SRD5A2: variants seen among roughly 807,000 people sequenced by gnomAD.
SRD5A2 encodes the protein steroid 5 alpha-reductase 2, also known as 3-oxo-5-alpha-steroid 4-dehydrogenase 2.
In SRD5A2, 30 loss-of-function variants were observed where a neutral mutation model predicts 27.4. The ratio of observed to expected loss-of-function variants is 1.10; its 90% CI spans 0.82 to 1.49. The LOEUF (loss-of-function observed/expected upper bound fraction) is 1.49, where lower values mean the gene tolerates loss of function less well. SRD5A2 is among the 40% of genes most tolerant of loss of function. The pLI, the probability that SRD5A2 is intolerant of heterozygous loss-of-function variation, is 0.00. For synonymous variants in SRD5A2, 141 were observed against 133.6 expected, an observed-to-expected ratio of 1.06 and a Z score of -0.38; for missense variants, 348 against 323.4, an observed-to-expected ratio of 1.08 and a Z score of -0.58.
upstream of SRD5A2, among the ~76,000 whole-genome samples, chr2:31,583,992 C>T (rs1667132778): frequency 6.6e-6 from 1 of 152,070 alleles, no homozygotes; most frequent in East Asian, 1.9e-4. Context: ...AGGATTAGCT[C>T]GTTTGAATAC....
chr2:31,596,382 C>CA, the SRD5A2 span, among the ~76,000 whole-genome samples: 1 of 114,618 alleles, frequency 8.7e-6, no homozygotes, highest in Non-Finnish European at 1.8e-5. Flanking sequence ...AGCAAGACTC[C>CA]ACCAAAAAAA....
intron 1 of SRD5A2, among the ~76,000 whole-genome samples, chr2:31,543,941 G>A (rs562093363): frequency 6.6e-6 from 1 of 152,090 alleles, no homozygotes; most frequent in South Asian, 2.1e-4. Context: ...CTGTTTACAA[G>A]AGACTCACTT....
chr2:31,622,232 G>A, the SRD5A2 span, among the ~76,000 whole-genome samples: 2 of 151,880 alleles, frequency 1.3e-5, no homozygotes, highest in Non-Finnish European at 2.9e-5. Context: ...TTGGTATTCT[G>A]CTTCTGTGTT....
At chr2:31,564,154 T>C (rs1666683733) in intron 1 of SRD5A2, among the ~76,000 whole-genome samples, 1 of 152,026 alleles carries the variant, frequency 6.6e-6, no homozygotes, top group Non-Finnish European at 1.5e-5. Context: ...GCAATGATAT[T>C]AAAACAGCTG....
chr2:31,659,065 T>A, the SRD5A2 span, among the ~76,000 whole-genome samples: 1 of 151,984 alleles, frequency 6.6e-6, no homozygotes, highest in African/African-American at 2.4e-5. Flanking sequence ...CATATGCAAA[T>A]CAATAAATGT....
the SRD5A2 span, chr2:31,651,437 G>T: frequency 1.3e-5 from 3 of 231,562 alleles, no homozygotes; most frequent in South Asian, 2.5e-4. Context: ...CAGTGGCAAT[G>T]ACATCATCAT....
At chr2:31,585,058 A>G (rs1667152510), upstream of SRD5A2, among the ~76,000 whole-genome samples, 1 of 152,208 alleles carries the variant, frequency 6.6e-6, no homozygotes, top group Non-Finnish European at 1.5e-5. Context: ...GCAAAAAGGA[A>G]AGCCAGACAA....
At chr2:31,589,448 C>T in the SRD5A2 span, among the ~76,000 whole-genome samples, 6 of 152,364 alleles carry the variant, frequency 3.9e-5, no homozygotes, top group East Asian at 7.7e-4. Context: ...GGTCCTCCTT[C>T]TCCCCTCTGC....
upstream of SRD5A2, among the ~76,000 whole-genome samples, chr2:31,584,425 C>T (rs1572377595): frequency 6.6e-6 from 1 of 152,182 alleles, no homozygotes; most frequent in South Asian, 2.1e-4. Context: ...CCTAAAATTA[C>T]TAGGCATGTT....
chr2:31,603,805 A>T, the SRD5A2 span, among the ~76,000 whole-genome samples: 1 of 152,068 alleles, frequency 6.6e-6, no homozygotes, highest in African/African-American at 2.4e-5. Context: ...AGAAAAACAA[A>T]TACCACATGC....
chr2:31,560,041 T>C (rs1021334826), intron 1 of SRD5A2, among the ~76,000 whole-genome samples: 1 of 144,464 alleles, frequency 6.9e-6, no homozygotes, highest in Non-Finnish European at 1.5e-5. Context: ...CCACAATATC[T>C]ATGTACATAC....
intron 1 of SRD5A2, among the ~76,000 whole-genome samples, chr2:31,548,543 C>T (rs1666311746): frequency 6.6e-6 from 1 of 152,128 alleles, no homozygotes. Context: ...CCATCTCCAA[C>T]CAAACCAATT....
chr2:31,589,731 C>T, the SRD5A2 span, among the ~76,000 whole-genome samples: 1 of 152,098 alleles, frequency 6.6e-6, no homozygotes, highest in African/African-American at 2.4e-5. Context: ...TACGAATTTT[C>T]CTGTGCAGAA....
the SRD5A2 span, among the ~76,000 whole-genome samples, chr2:31,633,894 T>C: frequency 6.6e-6 from 1 of 152,136 alleles, no homozygotes; most frequent in Non-Finnish European, 1.5e-5. Context: ...ACTAAAATGT[T>C]AATTAGGAAC....
intron 3 of SRD5A2, among the ~76,000 whole-genome samples, chr2:31,529,851 T>A (rs946104069): frequency 3.9e-5 from 6 of 152,138 alleles, no homozygotes; most frequent in African/African-American, 1.4e-4. Flanking sequence ...CACGTTCACA[T>A]TCACAGTCCC....
intron 1 of SRD5A2, among the ~76,000 whole-genome samples, chr2:31,572,614 C>A (rs75431018): frequency 0.048 from 7,243 of 152,210 alleles, 396 homozygotes; most frequent in African/African-American, 0.13. Flanking sequence ...ACCCAATACA[C>A]TAGAACTTAG....
At chr2:31,642,375 GAA>G in the SRD5A2 span, among the ~76,000 whole-genome samples, 2 of 151,846 alleles carry the variant, frequency 1.3e-5, no homozygotes, top group African/African-American at 4.8e-5. Context: ...AATCTATAGA[GAA>G]CTCTTACAAC....
rs1185489500 is a variant in SRD5A2 at position 31,523,227 on chromosome 2, AG to A, written c.*2968del. ...CTATTCTGTCAAATAGGTTTATGAA[AG>A]GGCATGAGCCTGGTGCTCCCACGGA... is the stretch of plus-strand genomic sequence containing the variant. On this transcript the variant is annotated 3_prime_UTR_variant, in exon 5 of 5. Transcript: ENST00000622030. The A allele has an allele frequency of 4.6e-6, 1 of 215,808 alleles. No homozygotes were observed. The highest frequency in any genetic ancestry group is 2.3e-5 in the African/African-American group (1 of 44,344). The allele number at this position is 215,808 out of a possible 1,614,324, so 13.4% of individuals were successfully genotyped here. A position where few individuals can be genotyped will look rare whatever the true frequency, so the allele number is the denominator to read the frequency against.
intron 1 of SRD5A2, among the ~76,000 whole-genome samples, chr2:31,542,608 T>C (rs1391930158): frequency 6.6e-6 from 1 of 151,924 alleles, no homozygotes. Flanking sequence ...TTTGAAAACC[T>C]AAAAAGAACA....
Sources: gnomAD v4.1 joint callset for allele counts (sites outside exome capture counted in the v4.1 genomes callset) on GRCh38, gnomAD v4.1.1 for gene constraint, MANE v1.5 for transcripts, NCBI Gene and HGNC (gene_info 2026-07-23, HGNC 2026-07-21) for gene names.